The following PIR variants were observed in gnomAD, a reference collection of about 807,000 sequenced individuals.
PIR encodes the protein pirin.
Under a neutral mutation model 24.2 loss-of-function variants are expected in PIR, and 22 were observed. That is an observed-to-expected ratio of 0.91 (90% CI 0.65 to 1.30). The LOEUF (loss-of-function observed/expected upper bound fraction) is 1.30. PIR is among the 50% of genes most tolerant of loss of function. PIR has a pLI of 0.00. For synonymous variants in PIR, 80 were observed against 79.6 expected (o/e 1.00, Z -0.03); for missense variants, 220 against 220.3 (o/e 1.00, Z 0.01).
At chrX:15,475,526 C>T (rs1259509123) in intron 3 of PIR, among the ~76,000 whole-genome samples, 1 of 110,989 alleles carries the variant, frequency 9.0e-6, no homozygotes, top group East Asian at 2.8e-4. Context: ...CCTTTCAGTG[C>T]TAAAACCTGA....
intron 5 of PIR, among the ~76,000 whole-genome samples, chrX:15,445,820 C>CT (rs1192838504): frequency 0.062 from 4,052 of 64,860 alleles, 683 homozygotes; most frequent in African/African-American, 0.11. Flanking sequence ...CAAGATATTT[C>CT]TTTTTTTTTT....
chrX:15,441,234 T>A (rs993931975), intron 5 of PIR, among the ~76,000 whole-genome samples: 8 of 112,056 alleles, frequency 7.1e-5, no homozygotes, highest in Non-Finnish European at 1.3e-4. Flanking sequence ...GCAATTTTAA[T>A]TCTAGTTTAT....
intron 5 of PIR, among the ~76,000 whole-genome samples, chrX:15,441,776 C>A (rs1056262431): frequency 1.8e-5 from 2 of 111,431 alleles, no homozygotes; most frequent in African/African-American, 6.5e-5. Flanking sequence ...CTCTTTCTCT[C>A]TTCTTCTGTC....
At chrX:15,425,411 C>CTTTTT (rs756160029) in intron 6 of PIR, among the ~76,000 whole-genome samples, 14 of 92,106 alleles carry the variant, frequency 1.5e-4, no homozygotes, top group Non-Finnish European at 2.3e-4. Flanking sequence ...TTCTTTCTTT[C>CTTTTT]TTTTTTTTTT....
chrX:15,464,407 G>A lies in PIR; in HGVS notation c.190-4667C>T, dbSNP rs529127065. ...TTTTGGAAAAAAGAAAGATGCTGCC[G>A]CTAATCAGTGGATGAAAGTAAGTGA... On this transcript the variant is annotated intron_variant, in intron 3 of 9. Transcript: ENST00000380420. 13 of 752,280 alleles carry A rather than the reference G, an allele frequency of 1.7e-5. No individual in the cohort carries two copies. In the South Asian group the frequency reaches 3.4e-4, roughly 20 times the overall value. The allele number at this position is 752,280 out of a possible 1,213,427, so 62.0% of individuals were successfully genotyped here.
At chrX:15,465,494 T>C (rs7064548) in intron 3 of PIR, among the ~76,000 whole-genome samples, 3,608 of 111,977 alleles carry the variant, frequency 0.032, 151 homozygotes, top group African/African-American at 0.11. Flanking sequence ...ACCTGGAGAA[T>C]TGCCGTGGGT....
chrX:15,413,220 G>A (rs1043559843), intron 6 of PIR, among the ~76,000 whole-genome samples: 3 of 111,208 alleles, frequency 2.7e-5, no homozygotes, highest in African/African-American at 9.8e-5. Flanking sequence ...TGTGCATGTG[G>A]AGACGTTACA....
chrX:15,446,584 G>T (rs991694676), intron 5 of PIR, among the ~76,000 whole-genome samples: 1 of 111,877 alleles, frequency 8.9e-6, no homozygotes, highest in Non-Finnish European at 1.9e-5. Context: ...GCTTGATCTA[G>T]ACATTCCACC....
chrX:15,424,694 A>T (rs1051550638), intron 6 of PIR, among the ~76,000 whole-genome samples: 3 of 112,305 alleles, frequency 2.7e-5, no homozygotes, highest in Non-Finnish European at 5.6e-5. Context: ...TGTGTTAATT[A>T]AAAAAATTAT....
chrX:15,386,361 T>C (rs1367751319), intron 9 of PIR, among the ~76,000 whole-genome samples: 1 of 111,996 alleles, frequency 8.9e-6, no homozygotes, highest in African/African-American at 3.2e-5. Context: ...GGGAATAGAA[T>C]ACAAGTAGAA....
chrX:15,436,830 T>C (rs767528416), intron 5 of PIR, among the ~76,000 whole-genome samples: 1 of 112,549 alleles, frequency 8.9e-6, no homozygotes, highest in South Asian at 3.7e-4. Flanking sequence ...CATATAGATA[T>C]GTTTCTTCAA....
intron 4 of PIR, among the ~76,000 whole-genome samples, chrX:15,458,140 T>G (rs189470901): frequency 8.9e-6 from 1 of 112,267 alleles, no homozygotes; most frequent in African/African-American, 3.2e-5. Flanking sequence ...TTTCTTCATA[T>G]TTTCAATACC....
chrX:15,396,332 G>T (rs1924134596), intron 8 of PIR, among the ~76,000 whole-genome samples: 1 of 111,718 alleles, frequency 9.0e-6, no homozygotes, highest in South Asian at 3.8e-4. Flanking sequence ...AGCAGCAGTA[G>T]ATTGCTGCCA....
chrX:15,415,418 T>C, intron 6 of PIR, among the ~76,000 whole-genome samples: 1 of 111,966 alleles, frequency 8.9e-6, no homozygotes, highest in African/African-American at 3.2e-5. Flanking sequence ...GCATTCTCCA[T>C]CATGGATTTT....
At chrX:15,488,294 A>AAG in intron 2 of PIR, among the ~76,000 whole-genome samples, 1 of 76,453 alleles carries the variant, frequency 1.3e-5, no homozygotes, top group African/African-American at 5.0e-5. Context: ...AAAAAAAAAA[A>AAG]AAAAAAGAAA....
intron 5 of PIR, among the ~76,000 whole-genome samples, chrX:15,451,160 G>C (rs1460625867): frequency 9.0e-6 from 1 of 111,578 alleles, no homozygotes; most frequent in African/African-American, 3.3e-5. Flanking sequence ...AGCTAAACCG[G>C]CAAGGGAGGG....
At chrX:15,490,919 G>C (rs751162078) in intron 2 of PIR, among the ~76,000 whole-genome samples, 1 of 112,402 alleles carries the variant, frequency 8.9e-6, no homozygotes, top group African/African-American at 3.2e-5. Flanking sequence ...AGTGTGCAGA[G>C]AGAAGCAGAG....
Position 15,407,486 on chromosome X carries a change from G to A in PIR, c.610+20C>T. 8.6e-7 allele frequency: 1 copy of A among 1,164,443 alleles called. No homozygotes were observed. Among genetic ancestry groups the A allele is most frequent in the East Asian group, 3.0e-5 (1 of 33,679 alleles). On this transcript the variant is annotated intron_variant, in intron 7 of 9. Coordinates refer to ENST00000380420, the MANE Select transcript of PIR (RefSeq NM_001018109.3). ...AAATTAAATTGCAATTGAGCCCTAA[G>A]TGACACAGCCATAACTTACCAATAT...
At chrX:15,461,221 G>T (rs1921284812) in intron 3 of PIR, among the ~76,000 whole-genome samples, 1 of 112,036 alleles carries the variant, frequency 8.9e-6, no homozygotes, top group African/African-American at 3.2e-5. Flanking sequence ...GTTCACACAG[G>T]TGTGTGGGAT....
Sources: gnomAD v4.1 joint callset for allele counts (sites outside exome capture counted in the v4.1 genomes callset) on GRCh38, gnomAD v4.1.1 for gene constraint, MANE v1.5 for transcripts, NCBI Gene and HGNC (gene_info 2026-07-23, HGNC 2026-07-21) for gene names.